Variants in SDK1 observed in about 807,000 individuals in gnomAD.
SDK1 encodes the protein sidekick cell adhesion molecule 1.
In SDK1, 157 loss-of-function variants were observed where a neutral mutation model predicts 245.5. The ratio of observed to expected loss-of-function variants is 0.64; its 90% confidence interval spans 0.56 to 0.73. The LOEUF (loss-of-function observed/expected upper bound fraction) is 0.73. Among genes scored for constraint, SDK1 ranks in the 30% least tolerant of loss-of-function variants. SDK1 has a pLI of 0.00. For missense variants in SDK1, 3,583 were observed against 3,002.3 expected (o/e 1.19, Z -4.52); for synonymous variants, 1,647 against 1,278.5 (o/e 1.29, Z -6.15).
chr7:3,831,781 A>C (rs1219605842), intron 5 of SDK1, among the ~76,000 whole-genome samples: 1 of 152,008 alleles, frequency 6.6e-6, no homozygotes, highest in African/African-American at 2.4e-5. Context: ...TCACCCGGGC[A>C]TGTTGACTCA....
intron 23 of SDK1, among the ~76,000 whole-genome samples, chr7:4,112,686 T>G (rs1164086555): frequency 2.0e-5 from 3 of 152,192 alleles, no homozygotes; most frequent in Non-Finnish European, 2.9e-5. Context: ...TTAAAATTGT[T>G]GAGTTGCAAC....
intron 9 of SDK1, among the ~76,000 whole-genome samples, chr7:3,965,452 A>G (rs1460882870): frequency 6.6e-6 from 1 of 152,172 alleles, no homozygotes; most frequent in Non-Finnish European, 1.5e-5. Flanking sequence ...CAAATCAATG[A>G]TTGTGATTAT....
chr7:4,174,646 G>T (rs1782071167), intron 33 of SDK1, among the ~76,000 whole-genome samples: 2 of 152,148 alleles, frequency 1.3e-5, no homozygotes, highest in Admixed American at 1.3e-4. Flanking sequence ...CGGCGTCAGT[G>T]GGGAAGGGCT....
chr7:3,343,214 A>G (rs1190302145), intron 1 of SDK1, among the ~76,000 whole-genome samples: 2 of 152,136 alleles, frequency 1.3e-5, no homozygotes, highest in Non-Finnish European at 2.9e-5. Context: ...AAACCTGTAC[A>G]CCAATGCTTA....
At chr7:3,973,460 A>C (rs910917696) in intron 12 of SDK1, among the ~76,000 whole-genome samples, 1 of 152,232 alleles carries the variant, frequency 6.6e-6, no homozygotes, top group African/African-American at 2.4e-5. Context: ...TGTGTATTTG[A>C]AAAGAAAAAT....
intron 5 of SDK1, among the ~76,000 whole-genome samples, chr7:3,824,377 A>G (rs994245660): frequency 6.6e-6 from 1 of 152,182 alleles, no homozygotes; most frequent in Non-Finnish European, 1.5e-5. Context: ...ATGAAGATAC[A>G]TTTTTGCTTG....
At chr7:4,239,547 A>T (rs966207212) in intron 42 of SDK1, among the ~76,000 whole-genome samples, 1 of 152,178 alleles carries the variant, frequency 6.6e-6, no homozygotes, top group Non-Finnish European at 1.5e-5. Flanking sequence ...TTGTTTTTTA[A>T]ATAGACGGGT....
chr7:3,852,699 C>A (rs548590789), intron 5 of SDK1, among the ~76,000 whole-genome samples: 2 of 133,518 alleles, frequency 1.5e-5, no homozygotes, highest in Non-Finnish European at 3.0e-5. Context: ...TGCAGTGAGC[C>A]GAGATCGCGC....
chr7:3,633,323 G>C (rs1340384450), intron 2 of SDK1, among the ~76,000 whole-genome samples: 5 of 152,060 alleles, frequency 3.3e-5, no homozygotes, highest in African/African-American at 1.2e-4. Context: ...ATCAAATTAA[G>C]TTCCCTGACC....
chr7:3,504,394 T>C (rs997472028), intron 1 of SDK1, among the ~76,000 whole-genome samples: 1 of 151,964 alleles, frequency 6.6e-6, no homozygotes, highest in Admixed American at 6.6e-5. Context: ...GGAGGACTCA[T>C]ATTTTCCAAT....
chr7:3,749,405 T>C (rs899466776), intron 4 of SDK1, among the ~76,000 whole-genome samples: 1 of 152,202 alleles, frequency 6.6e-6, no homozygotes, highest in African/African-American at 2.4e-5. Flanking sequence ...GTTCAAGCAA[T>C]TCCCCTGCCT....
At chr7:4,024,951 G>T (rs1183198474) in intron 17 of SDK1, among the ~76,000 whole-genome samples, 1 of 151,826 alleles carries the variant, frequency 6.6e-6, no homozygotes, top group Non-Finnish European at 1.5e-5. Context: ...CGCCGTAGAG[G>T]GTGGGTTTGC....
At chr7:4,170,790 T>G (rs80085207) in intron 32 of SDK1, among the ~76,000 whole-genome samples, 2,843 of 152,040 alleles carry the variant, frequency 0.019, 94 homozygotes, top group African/African-American at 0.065. Context: ...TGCCCAGCCC[T>G]AAGGGATGGG....
chr7:3,974,596 T>C (rs368844887), intron 13 of SDK1, 51 bp downstream of exon 13: 64 of 1,564,220 alleles, frequency 4.1e-5, no homozygotes, highest in Non-Finnish European at 5.6e-5. Context: ...TCTCCGTTAC[T>C]GTGCCCCTGT....
intron 4 of SDK1, among the ~76,000 whole-genome samples, chr7:3,661,837 C>G (rs529373387): frequency 6.6e-6 from 1 of 152,190 alleles, no homozygotes; most frequent in East Asian, 1.9e-4. Context: ...ACCACACTTT[C>G]CTGTTGTGTA....
intron 2 of SDK1, among the ~76,000 whole-genome samples, chr7:3,625,918 G>A (rs1562612310): frequency 6.7e-6 from 1 of 149,392 alleles, no homozygotes; most frequent in Non-Finnish European, 1.5e-5. Context: ...GAGCCAGAAG[G>A]ATTTTTCTTT....
intron 14 of SDK1, among the ~76,000 whole-genome samples, chr7:3,991,418 C>T (rs1237446375): frequency 2.6e-5 from 4 of 152,144 alleles, no homozygotes; most frequent in Non-Finnish European, 5.9e-5. Flanking sequence ...GTTCTACATG[C>T]TTCCCTTTGC....
intron 1 of SDK1, among the ~76,000 whole-genome samples, chr7:3,345,571 T>A (rs1780469885): frequency 6.6e-6 from 1 of 151,816 alleles, no homozygotes; most frequent in Non-Finnish European, 1.5e-5. Flanking sequence ...TTATCTTTTT[T>A]TCCAGGAAAT....
At chr7:3,838,162 G>A (rs1780067575) in intron 5 of SDK1, among the ~76,000 whole-genome samples, 1 of 152,228 alleles carries the variant, frequency 6.6e-6, no homozygotes, top group East Asian at 1.9e-4. Flanking sequence ...GTATTAATGA[G>A]ACCCCGAAGA....
Sources: gnomAD v4.1 joint callset for allele counts (sites outside exome capture counted in the v4.1 genomes callset) on GRCh38, gnomAD v4.1.1 for gene constraint, MANE v1.5 for transcripts, NCBI Gene and HGNC (gene_info 2026-07-23, HGNC 2026-07-21) for gene names.